PAPPA2: variants seen among roughly 807,000 people sequenced by gnomAD.
The protein encoded by PAPPA2 is pappalysin-2.
A neutral mutation model predicts 176.4 loss-of-function variants in PAPPA2; 86 were observed. The ratio of observed to expected loss-of-function variants is 0.49; its 90% CI spans 0.41 to 0.58. PAPPA2 has a LOEUF of 0.58. Among genes scored for constraint, PAPPA2 ranks in the 20% least tolerant of loss-of-function variants. PAPPA2 has a pLI of 0.00. For missense variants in PAPPA2, 2,073 were observed against 2,256.9 expected (o/e 0.92, Z 1.65); for synonymous variants, 809 against 852.2 (o/e 0.95, Z 0.88).
chr1:176,623,758 C>CCTTCCTTCCTTCCTTCCTTTCTTT (rs1198828841), intron 3 of PAPPA2, among the ~76,000 whole-genome samples: 5 of 59,064 alleles, frequency 8.5e-5, no homozygotes, highest in African/African-American at 3.8e-4. Flanking sequence ...TTCCTTCCTT[C>CCTTCCTTCCTTCCTTCCTTTCTTT]CTTTCTTTCT....
At chr1:176,706,042 CT>C (rs1397242037) in intron 9 of PAPPA2, among the ~76,000 whole-genome samples, 1 of 152,120 alleles carries the variant, frequency 6.6e-6, no homozygotes, top group Non-Finnish European at 1.5e-5. Flanking sequence ...TTTTTCTAAG[CT>C]TAAGACCCTC....
intron 1 of PAPPA2, among the ~76,000 whole-genome samples, chr1:176,507,247 A>C (rs1648326313): frequency 6.6e-6 from 1 of 152,186 alleles, no homozygotes; most frequent in African/African-American, 2.4e-5. Context: ...ATACCATCTC[A>C]CAGCAGTCAG....
intron 3 of PAPPA2, among the ~76,000 whole-genome samples, chr1:176,602,472 T>G (rs1654383262): frequency 6.6e-6 from 1 of 152,130 alleles, no homozygotes; most frequent in African/African-American, 2.4e-5. Context: ...ACCTGGATGC[T>G]TTGGATTAGC....
intron 3 of PAPPA2, among the ~76,000 whole-genome samples, chr1:176,614,940 T>C (rs1277651069): frequency 6.6e-6 from 1 of 152,116 alleles, no homozygotes; most frequent in Non-Finnish European, 1.5e-5. Context: ...AACCCACTTC[T>C]TTTTTTGTAA....
At chr1:176,726,834 G>T (rs1254968015) in intron 12 of PAPPA2, among the ~76,000 whole-genome samples, 3 of 152,202 alleles carry the variant, frequency 2.0e-5, no homozygotes, top group African/African-American at 7.2e-5. Flanking sequence ...CTGTGAGCGA[G>T]AATGGAAAGA....
chr1:176,557,295 T>A (rs1573037660), intron 2 of PAPPA2, 54 bp downstream of exon 2: 1 of 1,500,022 alleles, frequency 6.7e-7, no homozygotes, highest in East Asian at 2.5e-5. Context: ...CTGGCTTTAT[T>A]TCTGACGGGT....
chr1:176,616,471 C>G, intron 3 of PAPPA2: 1 of 745,918 alleles, frequency 1.3e-6, no homozygotes, highest in Non-Finnish European at 2.3e-6. Context: ...TTCCCAAGGC[C>G]TACAATGCAA....
At chr1:176,528,770 A>T (rs554645776) in intron 1 of PAPPA2, among the ~76,000 whole-genome samples, 15 of 152,162 alleles carry the variant, frequency 9.9e-5, no homozygotes, top group African/African-American at 3.1e-4. Context: ...GATTTCTTCC[A>T]CATACCTTTT....
At chr1:176,629,257 T>C (rs1573156525) in intron 3 of PAPPA2, among the ~76,000 whole-genome samples, 1 of 152,222 alleles carries the variant, frequency 6.6e-6, no homozygotes, top group East Asian at 1.9e-4. Context: ...AGCCAAATAA[T>C]CATTTGTGAT....
intron 4 of PAPPA2, among the ~76,000 whole-genome samples, chr1:176,684,479 A>T (rs531070807): frequency 8.5e-5 from 13 of 152,180 alleles, no homozygotes; most frequent in Admixed American, 3.3e-4. Flanking sequence ...TCCTGTTTCA[A>T]TGTGTCAGGC....
intron 4 of PAPPA2, among the ~76,000 whole-genome samples, chr1:176,684,521 T>A (rs1341654238): frequency 1.3e-5 from 2 of 152,140 alleles, no homozygotes; most frequent in Middle Eastern, 3.2e-3. Flanking sequence ...GGGATTCAAC[T>A]GTAAGGGATG....
At chr1:176,690,638 C>T in intron 5 of PAPPA2, 2 of 1,371,544 alleles carry the variant, frequency 1.5e-6, no homozygotes, top group Non-Finnish European at 9.4e-7. Context: ...ACTTTGTTCA[C>T]TGAATTCTCC....
At chr1:176,825,625 C>A (rs1183867094) in intron 21 of PAPPA2, among the ~76,000 whole-genome samples, 1 of 152,166 alleles carries the variant, frequency 6.6e-6, no homozygotes, top group Non-Finnish European at 1.5e-5. Context: ...AGACTCAAGA[C>A]AAACTTAGAT....
chr1:176,653,062 A>T (rs6689901), intron 3 of PAPPA2, among the ~76,000 whole-genome samples: 26,450 of 151,624 alleles, frequency 0.17, 2,460 homozygotes, highest in Middle Eastern at 0.23. Flanking sequence ...TTAGTCACTT[A>T]GTCTGTTACT....
intron 1 of PAPPA2, among the ~76,000 whole-genome samples, chr1:176,537,914 T>C (rs1650153879): frequency 6.6e-6 from 1 of 152,130 alleles, no homozygotes; most frequent in Non-Finnish European, 1.5e-5. Flanking sequence ...TAATCTCATG[T>C]TTCATGGATT....
chr1:176,472,458 C>T (rs1394588814), intron 1 of PAPPA2, among the ~76,000 whole-genome samples: 2 of 152,174 alleles, frequency 1.3e-5, no homozygotes, highest in African/African-American at 4.8e-5. Flanking sequence ...TTTGCTATCT[C>T]ATATGACAAG....
intron 1 of PAPPA2, among the ~76,000 whole-genome samples, chr1:176,492,798 G>C (rs972441259): frequency 8.5e-5 from 13 of 152,130 alleles, no homozygotes; most frequent in African/African-American, 3.1e-4. Context: ...CATTTTATTT[G>C]CATAATCTAA....
intron 1 of PAPPA2, among the ~76,000 whole-genome samples, chr1:176,497,185 T>C (rs1176072384): frequency 1.3e-5 from 2 of 152,226 alleles, no homozygotes; most frequent in Non-Finnish European, 2.9e-5. Context: ...TGTTATCTTC[T>C]ACTTCTTTAG....
At chr1:176,493,663 C>T (rs964021938) in intron 1 of PAPPA2, among the ~76,000 whole-genome samples, 2 of 152,078 alleles carry the variant, frequency 1.3e-5, no homozygotes, top group African/African-American at 4.8e-5. Context: ...TTCTATTCTC[C>T]CAAATTTACC....
Sources: gnomAD v4.1 joint callset for allele counts (sites outside exome capture counted in the v4.1 genomes callset) on GRCh38, gnomAD v4.1.1 for gene constraint, MANE v1.5 for transcripts, NCBI Gene and HGNC (gene_info 2026-07-23, HGNC 2026-07-21) for gene names.